FAF1: variants seen among roughly 807,000 people sequenced by gnomAD.
FAF1 encodes FAS-associated factor 1.
Under a neutral mutation model 92.5 loss-of-function variants are expected in FAF1, and 25 were observed. That is an observed-to-expected ratio of 0.27 (90% CI 0.20 to 0.38). The LOEUF (loss-of-function observed/expected upper bound fraction) is 0.38. FAF1 is among the 10% of genes least tolerant of loss of function. The pLI, the probability that FAF1 is intolerant of heterozygous loss-of-function variation, is 1.00. For synonymous variants in FAF1, 234 were observed against 273.2 expected (o/e 0.86, Z 1.42); for missense variants, 636 against 793.3 (o/e 0.80, Z 2.38).
chr1:50,893,673 T>A (rs1230257312), intron 1 of FAF1, among the ~76,000 whole-genome samples: 3 of 152,170 alleles, frequency 2.0e-5, no homozygotes, highest in Non-Finnish European at 2.9e-5. Flanking sequence ...CATCCCAGGC[T>A]GCCTGTAACT....
intron 4 of FAF1, among the ~76,000 whole-genome samples, chr1:50,786,656 G>A (rs1661375792): frequency 6.6e-6 from 1 of 152,196 alleles, no homozygotes; most frequent in South Asian, 2.1e-4. Context: ...ACAGGGTGAA[G>A]GGGTTTATCT....
intron 17 of FAF1, among the ~76,000 whole-genome samples, chr1:50,480,327 G>T (rs897154373): frequency 6.6e-6 from 1 of 152,200 alleles, no homozygotes; most frequent in South Asian, 2.1e-4. Flanking sequence ...CTTACAATAA[G>T]AATCAAAGAC....
In FAF1 at chr1:50,960,100, A is replaced by C; in HGVS notation, c.-289T>G. On this transcript the variant is annotated 5_prime_UTR_variant, in exon 1 of 19. Coordinates refer to ENST00000396153, the MANE Select transcript of FAF1 (RefSeq NM_007051.3). ...GGTCTGGATGTGGGTCCGGTCTTAC[A>C]GTCGCGGGCCAGGATGAGGGCAGGT... is the stretch of plus-strand genomic sequence containing the variant. The C allele has an allele frequency of 2.6e-6, 1 of 389,002 alleles. No individual in the cohort carries two copies. Among genetic ancestry groups the C allele is most frequent in the Non-Finnish European group, 4.6e-6 (1 of 219,704 alleles). 24.1% of individuals were successfully genotyped at this position (389,002 alleles called of 1,614,324 possible).
At chr1:50,738,443 CAAAAAAAAAAA>C (rs533056212) in intron 6 of FAF1, among the ~76,000 whole-genome samples, 1 of 79,078 alleles carries the variant, frequency 1.3e-5, no homozygotes, top group South Asian at 5.2e-4. Flanking sequence ...AACTCCGTCG[CAAAAAAAAAAA>C]AAAAAAAAAA....
chr1:50,851,355 G>A (rs545299782), intron 2 of FAF1, among the ~76,000 whole-genome samples: 10 of 152,308 alleles, frequency 6.6e-5, no homozygotes, highest in East Asian at 3.9e-4. Flanking sequence ...CTATAGGCGT[G>A]AGCCACTGCA....
intron 6 of FAF1, among the ~76,000 whole-genome samples, chr1:50,714,850 C>T (rs1305329030): frequency 1.3e-5 from 2 of 152,188 alleles, no homozygotes; most frequent in African/African-American, 4.8e-5. Flanking sequence ...GGCAGACAGA[C>T]ACAGCTTGAT....
chr1:50,476,850 A>G (rs1374328382), intron 17 of FAF1, among the ~76,000 whole-genome samples: 3 of 152,188 alleles, frequency 2.0e-5, no homozygotes, highest in Admixed American at 1.3e-4. Flanking sequence ...GTATAAAGAA[A>G]TAATTTAGAA....
intron 1 of FAF1, among the ~76,000 whole-genome samples, chr1:50,942,638 C>T (rs1570168707): frequency 6.6e-6 from 1 of 152,282 alleles, no homozygotes; most frequent in African/African-American, 2.4e-5. Flanking sequence ...AGCTAACAAC[C>T]TGGCCTGTTA....
At chr1:50,741,424 G>T (rs758945651) in intron 5 of FAF1, among the ~76,000 whole-genome samples, 1 of 152,226 alleles carries the variant, frequency 6.6e-6, no homozygotes, top group African/African-American at 2.4e-5. Flanking sequence ...TTAAACTATT[G>T]TGAGTAGTCT....
chr1:50,637,685 G>A (rs866434180), intron 8 of FAF1, among the ~76,000 whole-genome samples: 17 of 145,388 alleles, frequency 1.2e-4, no homozygotes, highest in African/African-American at 3.3e-4. Flanking sequence ...ATATATATGT[G>A]TGTGTGTGTG....
intron 1 of FAF1, among the ~76,000 whole-genome samples, chr1:50,933,690 T>C (rs1457671756): frequency 6.6e-6 from 1 of 152,240 alleles, no homozygotes; most frequent in Non-Finnish European, 1.5e-5. Context: ...ACTGTACTGA[T>C]ATCAATTTAC....
intron 4 of FAF1, among the ~76,000 whole-genome samples, chr1:50,746,710 G>A (rs532731312): frequency 1.4e-4 from 22 of 152,288 alleles, no homozygotes; most frequent in Admixed American, 1.2e-3. Flanking sequence ...ATTCAAGCGG[G>A]CTGCAGAAGT....
intron 2 of FAF1, among the ~76,000 whole-genome samples, chr1:50,839,356 T>C (rs1644238393): frequency 6.6e-6 from 1 of 152,156 alleles, no homozygotes; most frequent in African/African-American, 2.4e-5. Flanking sequence ...AAATTCACAA[T>C]ATTTGTTTGA....
intron 12 of FAF1, among the ~76,000 whole-genome samples, chr1:50,581,910 T>C (rs1286105835): frequency 6.6e-6 from 1 of 152,212 alleles, no homozygotes; most frequent in Non-Finnish European, 1.5e-5. Context: ...GCTGATGTCT[T>C]GACTGCTGTG....
intron 7 of FAF1, among the ~76,000 whole-genome samples, chr1:50,666,189 C>T (rs1017444061): frequency 1.3e-5 from 2 of 151,522 alleles, no homozygotes; most frequent in Non-Finnish European, 2.9e-5. Flanking sequence ...GCTGGGATTA[C>T]AGGCATAAGC....
At chr1:50,733,983 G>A (rs1348579701) in intron 6 of FAF1, among the ~76,000 whole-genome samples, 2 of 152,172 alleles carry the variant, frequency 1.3e-5, no homozygotes, top group Non-Finnish European at 2.9e-5. Context: ...TTTTAGTAGA[G>A]ATGGGGTTTC....
intron 15 of FAF1, among the ~76,000 whole-genome samples, chr1:50,495,087 C>T (rs1478236074): frequency 1.3e-5 from 2 of 151,976 alleles, no homozygotes; most frequent in Non-Finnish European, 1.5e-5. Flanking sequence ...GGTGTCCGTC[C>T]CCTCAAGCAC....
intron 2 of FAF1, among the ~76,000 whole-genome samples, chr1:50,836,046 A>G (rs1017270571): frequency 6.6e-6 from 1 of 152,168 alleles, no homozygotes; most frequent in Non-Finnish European, 1.5e-5. Flanking sequence ...GTTCATTTGT[A>G]AAGTGAGGAA....
intron 8 of FAF1, among the ~76,000 whole-genome samples, chr1:50,602,480 T>G (rs1398509962): frequency 6.6e-6 from 1 of 152,108 alleles, no homozygotes; most frequent in African/African-American, 2.4e-5. Flanking sequence ...ATATATGCAT[T>G]TATATCCTCA....
Sources: gnomAD v4.1 joint callset for allele counts (sites outside exome capture counted in the v4.1 genomes callset) on GRCh38, gnomAD v4.1.1 for gene constraint, MANE v1.5 for transcripts, NCBI Gene and HGNC (gene_info 2026-07-23, HGNC 2026-07-21) for gene names.